Variants in MALRD1 observed in about 807,000 individuals in gnomAD.
The protein encoded by MALRD1 is MAM and LDL-receptor class A domain-containing protein 1.
In MALRD1, 247 loss-of-function variants were observed where a neutral mutation model predicts 242.1. The ratio of observed to expected loss-of-function variants is 1.02; its 90% CI spans 0.92 to 1.13. The LOEUF is 1.13. Among genes scored for constraint, MALRD1 ranks in the 50% most tolerant of loss-of-function variants. The pLI is 0.00. For synonymous variants in MALRD1, 995 were observed against 866.6 expected (o/e 1.15, Z -2.60); for missense variants, 2,989 against 2,533.1 (o/e 1.18, Z -3.86).
intron 19 of MALRD1, among the ~76,000 whole-genome samples, chr10:19,268,354 A>G (rs1840053286): frequency 6.6e-6 from 1 of 152,184 alleles, no homozygotes. Context: ...TCACCTAGAA[A>G]GTATATCTAA....
intron 28 of MALRD1, among the ~76,000 whole-genome samples, chr10:19,401,671 A>G (rs768906542): frequency 3.9e-5 from 6 of 152,316 alleles, no homozygotes; most frequent in East Asian, 1.9e-4. Context: ...TTAACAAAAT[A>G]TAAATTTTTA....
chr10:19,491,614 C>T lies in MALRD1; in HGVS notation c.5127C>T (p.Asp1709=), dbSNP rs10827499. 459,947 of 1,549,246 alleles carry T rather than the reference C, an allele frequency of 0.3. 71,491 individuals are homozygous for T. The highest frequency in any genetic ancestry group is 0.41 in the Admixed American group (20,903 of 50,968). The change falls in exon 30 of 40, where the codon GAC becomes GAT. Residue 1709 remains aspartate, a synonymous_variant. Transcript: ENST00000454679. ...ACCTTCTTTGTGACTATAAGCCAGA[C>T]TGCTCTGATAGGTCTGATGAAGCTC... The part of the protein sequence containing the change: ...ASHLLCDYKP[D]CSDRSDEAHC...
chr10:19,475,846 A>G (rs1234913824), intron 29 of MALRD1, among the ~76,000 whole-genome samples: 1 of 152,188 alleles, frequency 6.6e-6, no homozygotes, highest in African/African-American at 2.4e-5. Context: ...GCTTCTCAAA[A>G]TCTCTTATTC....
chr10:19,410,059 G>C (rs1227709968), intron 28 of MALRD1, among the ~76,000 whole-genome samples: 6 of 152,048 alleles, frequency 3.9e-5, no homozygotes, highest in Non-Finnish European at 8.8e-5. Flanking sequence ...TGACATTTCA[G>C]GTTTTAGTTA....
chr10:19,425,368 C>T (rs1833865554), intron 28 of MALRD1, among the ~76,000 whole-genome samples: 2 of 152,142 alleles, frequency 1.3e-5, no homozygotes, highest in South Asian at 4.1e-4. Context: ...AAAAAATGGT[C>T]TCCAGTGACT....
chr10:19,481,270 A>G (rs1436468538), intron 29 of MALRD1, among the ~76,000 whole-genome samples: 1 of 152,168 alleles, frequency 6.6e-6, no homozygotes, highest in African/African-American at 2.4e-5. Context: ...GCTGTCACTG[A>G]GATCACTAAG....
rs1444656600 is a variant in MALRD1 at position 19,108,563 on chromosome 10, C to T, written c.694+4488C>T. On this transcript the variant is annotated intron_variant, in intron 5 of 39. Coordinates refer to ENST00000454679, the MANE Select transcript of MALRD1 (RefSeq NM_001142308.3). ...CCGAGTAGCTGGGACTACAGGTGCC[C>T]GCCACCGCGCCCGGCTAATTTTTTG... 4.3e-5 allele frequency among the ~76,000 whole-genome samples: 3 copies of T among 70,140 alleles called. 1 individual carries two copies. Among genetic ancestry groups the T allele is most frequent in the Non-Finnish European group, 7.4e-5 (3 of 40,594 alleles). The allele number at this position is 70,140 out of a possible 152,430, so 46.0% of individuals were successfully genotyped here.
At chr10:19,313,022 C>T (rs371328867) in intron 21 of MALRD1, among the ~76,000 whole-genome samples, 1 of 151,414 alleles carries the variant, frequency 6.6e-6, no homozygotes, top group African/African-American at 2.4e-5. Context: ...TCCAGAGTTA[C>T]TGATTCAGCA....
intron 29 of MALRD1, among the ~76,000 whole-genome samples, chr10:19,455,271 G>A (rs1042974956): frequency 1.3e-5 from 2 of 152,184 alleles, no homozygotes; most frequent in Admixed American, 6.5e-5. Context: ...TCGTATCATT[G>A]TAATTCTAAA....
chr10:19,244,781 T>C (rs551825064), intron 18 of MALRD1, among the ~76,000 whole-genome samples: 14 of 152,304 alleles, frequency 9.2e-5, no homozygotes, highest in African/African-American at 3.1e-4. Context: ...GGTTTGATTA[T>C]TGCAGAGATC....
At chr10:19,258,732 T>G (rs932464262) in intron 19 of MALRD1, among the ~76,000 whole-genome samples, 2 of 152,128 alleles carry the variant, frequency 1.3e-5, no homozygotes, top group Non-Finnish European at 2.9e-5. Flanking sequence ...TGTCATGGTT[T>G]TCATAGAACT....
intron 38 of MALRD1, among the ~76,000 whole-genome samples, chr10:19,708,550 T>C (rs1353578924): frequency 9.1e-6 from 1 of 109,874 alleles, no homozygotes; most frequent in Non-Finnish European, 2.1e-5. Flanking sequence ...CTTGCTGTAT[T>C]GTTGAGACTG....
At chr10:19,529,294 C>T (rs978242684) in intron 31 of MALRD1, among the ~76,000 whole-genome samples, 1 of 152,134 alleles carries the variant, frequency 6.6e-6, no homozygotes, top group African/African-American at 2.4e-5. Flanking sequence ...ATTGAAAATA[C>T]TCTGTTTTAC....
chr10:19,635,506 G>C (rs929305554), intron 36 of MALRD1, among the ~76,000 whole-genome samples: 2 of 151,998 alleles, frequency 1.3e-5, no homozygotes, highest in African/African-American at 4.8e-5. Context: ...TACAGTAGAA[G>C]ACAGAAGTAA....
intron 18 of MALRD1, among the ~76,000 whole-genome samples, chr10:19,228,585 T>A (rs540447669): frequency 2.1e-4 from 32 of 152,316 alleles, no homozygotes; most frequent in Non-Finnish European, 3.5e-4. Flanking sequence ...AGCTTATCTG[T>A]GAACATTAGT....
At chr10:19,446,495 T>C (rs1157166591) in intron 28 of MALRD1, among the ~76,000 whole-genome samples, 1 of 152,238 alleles carries the variant, frequency 6.6e-6, no homozygotes, top group Non-Finnish European at 1.5e-5. Flanking sequence ...TTCAAACATA[T>C]GAAATGGAAC....
At position 19,224,438 on chromosome 10, in the gene MALRD1, C is replaced by T. The variant is rs143737202; in HGVS notation, c.2991+14758C>T. 8.1e-3 allele frequency among the ~76,000 whole-genome samples: 1,235 copies of T among 152,200 alleles called. 19 individuals are homozygous for T. Among genetic ancestry groups the T allele is most frequent in the African/African-American group, 0.028 (1,166 of 41,528 alleles). ...AGTAGCTGGGATTACAGGTATATGC[C>T]ACCACGCCTGGCTAAAGTTTTTTTG... On this transcript the variant is annotated intron_variant, in intron 18 of 39. Transcript: ENST00000454679.
chr10:19,150,517 A>G (rs1833908863), intron 11 of MALRD1, among the ~76,000 whole-genome samples: 1 of 152,070 alleles, frequency 6.6e-6, no homozygotes, highest in East Asian at 1.9e-4. Context: ...CACCGACTCT[A>G]TCTGTTTCAA....
At position 19,595,431 on chromosome 10, in the gene MALRD1, A is replaced by C; in HGVS notation, c.5918A>C (p.His1973Pro). The stretch of plus-strand genomic sequence containing the variant: ...CTATGCGATGGAGTGCCCGACTGCC[A>C]CTTTAATGAAGATGAGCTCATCTGC... ...LLLCDGVPDC[H>P]FNEDELICSN... The change falls in exon 34 of 40, where the codon CAC becomes CCC. Residue 1973 changes from histidine (H) to proline (P), a missense_variant. By Grantham distance (77) the His-to-Pro change is moderately conservative (BLOSUM62 -2). Coordinates refer to ENST00000454679, the MANE Select transcript of MALRD1 (RefSeq NM_001142308.3). 2 of 1,550,072 alleles carry C rather than the reference A, an allele frequency of 1.3e-6. No individual in the cohort carries two copies. The highest frequency in any genetic ancestry group is 2.4e-5 in the East Asian group (1 of 40,898).
Sources: gnomAD v4.1 joint callset for allele counts (sites outside exome capture counted in the v4.1 genomes callset) on GRCh38, gnomAD v4.1.1 for gene constraint, MANE v1.5 for transcripts, NCBI Gene and HGNC (gene_info 2026-07-23, HGNC 2026-07-21) for gene names.